The following NUP35 variants were observed in gnomAD, a reference collection of about 807,000 sequenced individuals.
The protein encoded by NUP35 is nucleoporin NUP35.
NUP35 carries 25 observed loss-of-function variants against 41.5 expected under a neutral mutation model. The observed-to-expected ratio is 0.60, with a 90% CI of 0.44 to 0.84. The LOEUF (loss-of-function observed/expected upper bound fraction) is 0.84, where lower values mean the gene tolerates loss of function less well. Among genes scored for constraint, NUP35 ranks in the 40% least tolerant of loss-of-function variants. The pLI, the probability that NUP35 is intolerant of heterozygous loss-of-function variation, is 0.00. For missense variants in NUP35, 396 were observed against 396.6 expected, an observed-to-expected ratio of 1.00 and a Z score of 0.01; for synonymous variants, 149 against 130.7, an observed-to-expected ratio of 1.14 and a Z score of -0.96.
At chr2:183,124,442 T>C (rs201276489), upstream of NUP35, 1 of 1,614,160 alleles carries the variant, frequency 6.2e-7, no homozygotes, top group African/African-American at 1.3e-5. Context: ...TGGTTTTAAG[T>C]GTAGTTGCCG....
At chr2:183,137,487 G>A (rs1451084416) in intron 4 of NUP35, among the ~76,000 whole-genome samples, 1 of 152,096 alleles carries the variant, frequency 6.6e-6, no homozygotes, top group Non-Finnish European at 1.5e-5. Context: ...TCGGATGCTG[G>A]GGTTAGGAGG....
upstream of NUP35, among the ~76,000 whole-genome samples, chr2:183,120,633 T>G (rs1351977627): frequency 1.3e-5 from 2 of 152,062 alleles, no homozygotes; most frequent in African/African-American, 2.4e-5. Flanking sequence ...GACACTGTAC[T>G]AAGAATAACC....
rs1400108752 is a variant in NUP35 at position 183,139,219 on chromosome 2, T to A, written c.397+5596T>A. 5.9e-5 allele frequency among the ~76,000 whole-genome samples: 9 copies of A among 151,696 alleles called. No individual in the cohort carries two copies. The East Asian group carries it at 1.7e-3, about 29-fold the overall frequency. On this transcript the variant is annotated intron_variant, in intron 4 of 8. Coordinates refer to ENST00000295119, the MANE Select transcript of NUP35 (RefSeq NM_138285.5). ...TTTTGCATTTCTTTCTTTCTTTTTTTTTTTTTTGAGAAAAGATCTCGCTGT... is the reference window on the plus strand; with the variant it reads ...TTTTGCATTTCTTTCTTTCTTTTTTATTTTTTTGAGAAAAGATCTCGCTGT...
At chr2:183,159,830 G>T in intron 8 of NUP35, 178 bp downstream of exon 8, 1 of 484,910 alleles carries the variant, frequency 2.1e-6, no homozygotes, top group Non-Finnish European at 3.5e-6. Context: ...TGGCCAATTG[G>T]AAAGTTATCA....
In NUP35 at chr2:183,136,755, A is replaced by G. The variant is rs141097906; in HGVS notation, c.397+3132A>G. The stretch of plus-strand genomic sequence containing the variant: ...TTCACGGCAGTACCTGGATTGGTTG[A>G]TTGGATTACCAATCAGTCAAACCAG... On this transcript the variant is annotated intron_variant, in intron 4 of 8. Transcript: ENST00000295119. 3.3e-4 allele frequency among the ~76,000 whole-genome samples: 50 copies of G among 152,284 alleles called. 2 individuals carry two copies. In the East Asian group the frequency reaches 9.5e-3, roughly 29 times the overall value.
intron 5 of NUP35, 138 bp from the exon 6 acceptor site, chr2:183,157,306 A>G (rs1308106703): frequency 1.4e-5 from 10 of 694,462 alleles, no homozygotes; most frequent in Middle Eastern, 2.7e-4. Context: ...CATATCGGGG[A>G]AAACAGGATG....
chr2:183,140,144 A>G (rs561872190), intron 4 of NUP35, among the ~76,000 whole-genome samples: 15 of 152,340 alleles, frequency 9.8e-5, no homozygotes, highest in African/African-American at 3.6e-4. Context: ...TGTTACAGTT[A>G]TGGAGGTCAG....
intron 4 of NUP35, among the ~76,000 whole-genome samples, chr2:183,136,909 G>A (rs919965005): frequency 2.0e-5 from 3 of 152,074 alleles, no homozygotes; most frequent in Non-Finnish European, 4.4e-5. Flanking sequence ...GGCCAATATG[G>A]GGAAACCCTG....
At chr2:183,147,081 T>C (rs984595077) in intron 4 of NUP35, among the ~76,000 whole-genome samples, 8 of 152,164 alleles carry the variant, frequency 5.3e-5, no homozygotes, top group Admixed American at 2.6e-4. Flanking sequence ...ATGTTTTTTT[T>C]CTTGTTAAGT....
intron 4 of NUP35, among the ~76,000 whole-genome samples, chr2:183,150,251 C>T (rs185852764): frequency 3.3e-5 from 5 of 152,198 alleles, no homozygotes; most frequent in South Asian, 2.1e-4. Context: ...TGTTATGTCA[C>T]GCTTGCTCAG....
chr2:183,120,380 A>C (rs1171058358), upstream of NUP35, among the ~76,000 whole-genome samples: 3 of 149,084 alleles, frequency 2.0e-5, no homozygotes, highest in African/African-American at 7.5e-5. Context: ...CGGGAGGCAG[A>C]TGTTGCAGTA....
rs753379982 is a variant in NUP35, at chr2:183,124,450, C to T, written c.-8C>T. On this transcript the variant is annotated 5_prime_UTR_variant, in exon 1 of 9. Transcript: ENST00000295119. ...AAGGTACTGGTTTTAAGTGTAGTTG[C>T]CGACGCAATGGCAGCCTTTGCAGTG... 6.2e-7 allele frequency: 1 copy of T among 1,614,170 alleles called. No individual in the cohort carries two copies. The highest frequency in any genetic ancestry group is 8.5e-7 in the Non-Finnish European group (1 of 1,180,002).
At chr2:183,147,073 G>GT (rs201247070) in intron 4 of NUP35, among the ~76,000 whole-genome samples, 2 of 151,846 alleles carry the variant, frequency 1.3e-5, no homozygotes, top group African/African-American at 4.8e-5. Context: ...ACTTTTTAAT[G>GT]TTTTTTTTCT....
chr2:183,159,452 T>C, intron 7 of NUP35, 36 bp from the exon 8 acceptor site: 1 of 1,567,108 alleles, frequency 6.4e-7, no homozygotes, highest in Non-Finnish European at 8.7e-7. Flanking sequence ...ATGTATTATG[T>C]TTATAAACAA....
At chr2:183,141,119 G>GT (rs71407010) in intron 4 of NUP35, among the ~76,000 whole-genome samples, 4,675 of 143,886 alleles carry the variant, frequency 0.032, 88 homozygotes, top group Non-Finnish European at 0.045. Context: ...CAGCTTCCTT[G>GT]TTTTTTTTTT....
chr2:183,131,091 T>G (rs972999015), intron 3 of NUP35: 4 of 405,384 alleles, frequency 9.9e-6, no homozygotes, highest in Non-Finnish European at 2.0e-5. Flanking sequence ...CCAATCCTCC[T>G]GCCTCAACTG....
chr2:183,134,797 T>G, intron 4 of NUP35, among the ~76,000 whole-genome samples: 1 of 150,992 alleles, frequency 6.6e-6, no homozygotes, highest in African/African-American at 2.4e-5. Context: ...TTTTTTTTTT[T>G]GTATTTTTGG....
chr2:183,159,603 C>A lies in NUP35; in HGVS notation c.854C>A (p.Thr285Asn), dbSNP rs367786552. ...CCTGGAAGTACTCCTAGGATTTCTA[C>A]CATGAGACCTCTTGCTACAGCATAC... ...TQPGSTPRIS[T>N]MRPLATAYKA... The change falls in exon 8 of 9, where the codon ACC becomes AAC. Residue 285 changes from threonine (T) to asparagine (N), a missense_variant. Coordinates refer to ENST00000295119, the MANE Select transcript of NUP35 (RefSeq NM_138285.5). 6.2e-7 allele frequency: 1 copy of A among 1,613,228 alleles called. No homozygotes were observed.
At chr2:183,144,155 G>A (rs1178392518) in intron 4 of NUP35, among the ~76,000 whole-genome samples, 1 of 152,208 alleles carries the variant, frequency 6.6e-6, no homozygotes, top group East Asian at 1.9e-4. Flanking sequence ...ATAGGGTGAC[G>A]TTGGAAAGGG....
Sources: allele counts gnomAD v4.1 joint callset (sites outside exome capture counted in the v4.1 genomes callset), GRCh38; gene constraint gnomAD v4.1.1; transcripts MANE v1.5; gene names NCBI Gene and HGNC (gene_info 2026-07-23, HGNC 2026-07-21).